RFX4: variants seen among roughly 807,000 people sequenced by gnomAD.
RFX4 encodes regulatory factor X4, also known as transcription factor RFX4.
In RFX4, 10 loss-of-function variants were observed where a neutral mutation model predicts 95.0. That is an observed-to-expected ratio of 0.11 (90% CI 0.06 to 0.18). RFX4 has a LOEUF of 0.18. RFX4 is among the 10% of genes least tolerant of loss of function. RFX4 has a pLI of 1.00. For missense variants in RFX4, 640 were observed against 922.0 expected (o/e 0.69, Z 3.96); for synonymous variants, 321 against 340.7 (o/e 0.94, Z 0.64).
At chr12:106,705,943 A>G (rs1311333093) in intron 8 of RFX4, among the ~76,000 whole-genome samples, 1 of 152,246 alleles carries the variant, frequency 6.6e-6, no homozygotes, top group Non-Finnish European at 1.5e-5. Context: ...ACAGTGAGAA[A>G]GATGCACAAT....
At chr12:106,612,400 C>T (rs975809206) in intron 2 of RFX4, among the ~76,000 whole-genome samples, 5 of 152,180 alleles carry the variant, frequency 3.3e-5, no homozygotes, top group African/African-American at 1.2e-4. Context: ...ATTTCCTTTT[C>T]AGATTGCTCA....
chr12:106,641,742 AG>A (rs1432989354), intron 3 of RFX4, among the ~76,000 whole-genome samples: 7 of 152,202 alleles, frequency 4.6e-5, no homozygotes, highest in South Asian at 2.1e-4. Flanking sequence ...AGTTGTTCAA[AG>A]AACATTAACG....
intron 4 of RFX4, among the ~76,000 whole-genome samples, chr12:106,679,865 G>A (rs2041470633): frequency 6.6e-6 from 1 of 152,188 alleles, no homozygotes; most frequent in Non-Finnish European, 1.5e-5. Context: ...ACTAAACCTG[G>A]ATGCAGTCTT....
chr12:106,600,843 G>A (rs931017537), intron 1 of RFX4, among the ~76,000 whole-genome samples: 1 of 152,016 alleles, frequency 6.6e-6, no homozygotes, highest in African/African-American at 2.4e-5. Context: ...GGCCTTCAGT[G>A]TCCCCACTGC....
chr12:106,639,254 C>A, intron 2 of RFX4, 78 bp from the exon 3 acceptor site: 1 of 1,242,914 alleles, frequency 8.0e-7, no homozygotes, highest in Non-Finnish European at 1.1e-6. Context: ...TCTTTTGAAA[C>A]TTGGGAGAGT....
chr12:106,652,542 A>T (rs1175622662), intron 3 of RFX4, among the ~76,000 whole-genome samples: 2 of 152,184 alleles, frequency 1.3e-5, no homozygotes, highest in Non-Finnish European at 2.9e-5. Flanking sequence ...CCTAGAAAGG[A>T]TTACATCAAC....
intron 6 of RFX4, among the ~76,000 whole-genome samples, chr12:106,688,566 C>G (rs2041714386): frequency 6.6e-6 from 1 of 152,020 alleles, no homozygotes. Flanking sequence ...AAATGCATGT[C>G]TATGTTCTAA....
At chr12:106,598,112 C>G (rs1388411406) in intron 1 of RFX4, among the ~76,000 whole-genome samples, 1 of 152,104 alleles carries the variant, frequency 6.6e-6, no homozygotes, top group Admixed American at 6.5e-5. Flanking sequence ...GTTAATTTGC[C>G]TTGATTCATT....
Position 106,686,973 on chromosome 12 carries a change from C to G in RFX4, c.467C>G (p.Thr156Arg), listed in dbSNP as rs970724399. Residue 156 changes from threonine to arginine, a missense_variant, in exon 6 of 18, where the codon ACG becomes AGG. This residue lies in a region of RFX4 where 89 missense variants were observed against 173.8 expected (regional missense o/e 0.51). Transcript: ENST00000392842. The stretch of plus-strand genomic sequence containing the variant: ...AAAGGAGCTGCCTGGGTGAGTGAGA[C>G]GGGCAAGAAAGAAGTGAGCAAACAG... ...SKKGAAWVSE[T>R]GKKEVSKQTV... 6.2e-7 allele frequency: 1 copy of G among 1,613,618 alleles called. No individual in the cohort carries two copies. The highest frequency in any genetic ancestry group is 1.3e-5 in the African/African-American group (1 of 74,780).
intron 17 of RFX4, among the ~76,000 whole-genome samples, chr12:106,752,585 A>G (rs2043029562): frequency 6.6e-6 from 1 of 152,018 alleles, no homozygotes; most frequent in South Asian, 2.1e-4. Context: ...CTCCTGGTGC[A>G]GACCCTCATG....
intron 16 of RFX4, among the ~76,000 whole-genome samples, chr12:106,748,746 C>T (rs867603288): frequency 2.0e-5 from 3 of 151,356 alleles, no homozygotes; most frequent in African/African-American, 2.4e-5. Context: ...GTCAGGAGTT[C>T]GAGACCAGCC....
intron 4 of RFX4, among the ~76,000 whole-genome samples, chr12:106,674,550 T>C (rs2041354831): frequency 6.6e-6 from 1 of 152,028 alleles, no homozygotes; most frequent in African/African-American, 2.4e-5. Flanking sequence ...AGGCTGGTCT[T>C]GAACTCCTGA....
chr12:106,613,387 C>T (rs75644685), intron 2 of RFX4, among the ~76,000 whole-genome samples: 10,470 of 146,310 alleles, frequency 0.072, 827 homozygotes, highest in African/African-American at 0.2. Flanking sequence ...TTTTTAGATG[C>T]AGTCTCACTC....
intron 1 of RFX4, among the ~76,000 whole-genome samples, chr12:106,604,100 C>T (rs186400466): frequency 6.7e-6 from 1 of 149,634 alleles, no homozygotes; most frequent in Non-Finnish European, 1.5e-5. Flanking sequence ...GTTTATATCA[C>T]TACAGCTTCT....
At chr12:106,729,649 G>A (rs1565997683) in intron 13 of RFX4, among the ~76,000 whole-genome samples, 7 of 152,188 alleles carry the variant, frequency 4.6e-5, no homozygotes, top group Admixed American at 4.6e-4. Context: ...ACATGGTTGT[G>A]ATGAGGATTA....
At chr12:106,634,717 C>G (rs1461127269) in intron 2 of RFX4, among the ~76,000 whole-genome samples, 1 of 152,154 alleles carries the variant, frequency 6.6e-6, no homozygotes, top group Non-Finnish European at 1.5e-5. Context: ...CCACCCTACT[C>G]CTCACTTCCA....
intron 2 of RFX4, among the ~76,000 whole-genome samples, chr12:106,623,190 C>G (rs2040220444): frequency 6.6e-6 from 1 of 151,690 alleles, no homozygotes; most frequent in South Asian, 2.1e-4. Context: ...AGGCGCCCAC[C>G]ACTGCACCTG....
intron 13 of RFX4, among the ~76,000 whole-genome samples, chr12:106,726,597 C>T (rs918681743): frequency 5.9e-5 from 9 of 152,154 alleles, no homozygotes; most frequent in Non-Finnish European, 5.9e-5. Context: ...CTCATTACTT[C>T]GTGTTATATT....
intron 3 of RFX4, among the ~76,000 whole-genome samples, chr12:106,642,694 T>C (rs1003316731): frequency 1.3e-5 from 2 of 152,206 alleles, no homozygotes; most frequent in Non-Finnish European, 2.9e-5. Context: ...AGACTTTAGC[T>C]TGGCTAATAC....
Sources: allele counts gnomAD v4.1 joint callset (sites outside exome capture counted in the v4.1 genomes callset), GRCh38; gene constraint gnomAD v4.1.1; regional missense constraint gnomAD v4.1.1; transcripts MANE v1.5; gene names NCBI Gene and HGNC (gene_info 2026-07-23, HGNC 2026-07-21).